Variants in GPR107 observed in about 807,000 individuals in gnomAD.
GPR107 encodes the protein protein GPR107.
GPR107 carries 31 observed loss-of-function variants against 75.5 expected under a neutral mutation model. The observed-to-expected ratio is 0.41, with a 90% confidence interval of 0.31 to 0.55. The LOEUF (loss-of-function observed/expected upper bound fraction) is 0.55, where lower values mean the gene tolerates loss of function less well. GPR107 is among the 20% of genes least tolerant of loss of function. GPR107 has a pLI of 0.26. For missense variants in GPR107, 572 were observed against 665.7 expected, an observed-to-expected ratio of 0.86 and a Z score of 1.55; for synonymous variants, 267 against 251.3, an observed-to-expected ratio of 1.06 and a Z score of -0.59.
chr9:130,080,593 G>A (rs977827389), intron 5 of GPR107, among the ~76,000 whole-genome samples: 5 of 151,864 alleles, frequency 3.3e-5, no homozygotes, highest in East Asian at 3.9e-4. Context: ...CCGGGTTCAC[G>A]CCATTCTCCT....
chr9:130,060,039 G>A (rs1829889510), intron 1 of GPR107, among the ~76,000 whole-genome samples: 2 of 151,286 alleles, frequency 1.3e-5, no homozygotes, highest in Admixed American at 6.6e-5. Context: ...CAGGCCCAGC[G>A]TGATCAGTAA....
chr9:130,054,104 G>A (rs775251720), intron 1 of GPR107, 31 bp downstream of exon 1: 25 of 1,480,260 alleles, frequency 1.7e-5, no homozygotes, highest in Non-Finnish European at 2.1e-5. Context: ...GCCGGGGGGC[G>A]GAGGCCGAGG....
At chr9:130,055,960 A>C (rs1304151377) in intron 1 of GPR107, among the ~76,000 whole-genome samples, 2 of 151,978 alleles carry the variant, frequency 1.3e-5, no homozygotes, top group Non-Finnish European at 2.9e-5. Context: ...TAAATAAATA[A>C]ATAAATAAAT....
At chr9:130,104,627 C>T (rs887536) in intron 13 of GPR107, 77 bp downstream of exon 13, 1,233,281 of 1,253,556 alleles carry the variant, frequency 0.98, 606,826 homozygotes, top group East Asian at 1. Flanking sequence ...CATTCCCAAA[C>T]TGATCTCAGT....
Position 130,112,635 on chromosome 9 carries a change from C to T in GPR107, c.1306+5096C>T, listed in dbSNP as rs796620419. Among the ~76,000 whole-genome samples the T allele has an allele frequency of 3.9e-5, 6 of 152,330 alleles. No individual in the cohort carries two copies. The highest frequency in any genetic ancestry group is 1.4e-4 in the African/African-American group (6 of 41,584). On this transcript the variant is annotated intron_variant, in intron 14 of 17. Transcript: ENST00000347136. The surrounding 1 kb of genome is among the most constrained non-coding windows in gnomAD (Gnocchi z 4.0). ...TGAGACAGCATGGGAGGTGTGCACA[C>T]AGCACTGCTGCTGGGCCTGAAGTGT...
chr9:130,087,317 T>A (rs1441490106), intron 7 of GPR107, among the ~76,000 whole-genome samples: 1 of 152,102 alleles, frequency 6.6e-6, no homozygotes, highest in Non-Finnish European at 1.5e-5. Flanking sequence ...AGATTACAGA[T>A]GTGAGCCACC....
chr9:130,100,529 C>A lies in GPR107; in HGVS notation c.940-100C>A. The A allele has an allele frequency of 1.1e-5, 10 of 889,626 alleles. 1 individual carries two copies. In the South Asian group the frequency reaches 1.4e-4, roughly 12 times the overall value. The allele number at this position is 889,626 out of a possible 1,614,324, so 55.1% of individuals were successfully genotyped here. On this transcript the variant is annotated intron_variant, in intron 10 of 17. Transcript: ENST00000347136. ...ATCCAGTGGCAGCGTCACCAAATGA[C>A]AATGATTTGGATAATTTCCCAAATG...
Position 130,056,924 on chromosome 9 carries a change from CAAAAAAAAAAAAAAAAA to C in GPR107, c.141+2862_141+2878del, listed in dbSNP as rs11442007. Among the ~76,000 whole-genome samples the C allele has an allele frequency of 2.3e-4, 10 of 42,896 alleles. 1 individual carries two copies. The highest frequency in any genetic ancestry group is 2.4e-3 in the South Asian group (2 of 838). 28.1% of individuals were successfully genotyped at this position (42,896 alleles called of 152,430 possible). Reference sequence around the variant, plus strand: ...TGGGTGACAGAGCGAGACTCCTTCTCAAAAAAAAAAAAAAAAAAAAAAAAAAAGAAAGTTCACAAATT... The same window carrying C: ...TGGGTGACAGAGCGAGACTCCTTCTCAAAAAAAAAAGAAAGTTCACAAATT... On this transcript the variant is annotated intron_variant, in intron 1 of 17. Coordinates refer to ENST00000347136, the MANE Select transcript of GPR107 (RefSeq NM_020960.5).
chr9:130,080,254 A>G (rs1033524410), intron 5 of GPR107, among the ~76,000 whole-genome samples: 3 of 152,090 alleles, frequency 2.0e-5, no homozygotes, highest in Admixed American at 6.6e-5. Flanking sequence ...GTTCTTTAAG[A>G]TGGTTTTCAG....
chr9:130,111,422 C>G (rs1831299734), intron 14 of GPR107, among the ~76,000 whole-genome samples: 1 of 152,046 alleles, frequency 6.6e-6, no homozygotes, highest in Non-Finnish European at 1.5e-5. Context: ...GTCCCAGCTA[C>G]TTGGGAGGGT....
chr9:130,083,720 A>G (rs1830545653), intron 6 of GPR107, 118 bp downstream of exon 6: 3 of 520,360 alleles, frequency 5.8e-6, no homozygotes, highest in Non-Finnish European at 9.9e-6. Context: ...ACAGACACAT[A>G]CATATACAGT....
Position 130,135,733 on chromosome 9 carries a change from G to C in GPR107, c.*612G>C, listed in dbSNP as rs748467504. 1 of 152,370 alleles carries C rather than the reference G, an allele frequency of 6.6e-6. No homozygotes were observed. Among genetic ancestry groups the C allele is most frequent in the Non-Finnish European group, 1.5e-5 (1 of 68,182 alleles). The allele number at this position is 152,370 out of a possible 1,614,324, so 9.4% of individuals were successfully genotyped here. ...TTATTCCAGATGCTGAGAGTGACCA[G>C]GACAGCAGCTCCTGAGGCCCAGTGG... On this transcript the variant is annotated 3_prime_UTR_variant, in exon 18 of 18. Coordinates refer to ENST00000347136, the MANE Select transcript of GPR107 (RefSeq NM_020960.5).
At position 130,101,130 on chromosome 9, in the gene GPR107, C is replaced by T; in HGVS notation, c.1038C>T (p.Ile346=). The T allele has an allele frequency of 6.2e-7, 1 of 1,606,318 alleles. No homozygotes were observed. The highest frequency in any genetic ancestry group is 8.5e-7 in the Non-Finnish European group (1 of 1,172,900). Residue 346 remains isoleucine (I), a synonymous_variant, in exon 12 of 18, where the codon ATC becomes ATT. Coordinates refer to ENST00000347136, the MANE Select transcript of GPR107 (RefSeq NM_020960.5). ...GTTTGAAAGGGGCGCTACTCTTCAT[C>T]ACCATTGCACTCATTGGCACTGGCT... ...THLLKGALLF[I]TIALIGTGWA...
chr9:130,087,305 C>T (rs909682298), intron 7 of GPR107, among the ~76,000 whole-genome samples: 13 of 152,038 alleles, frequency 8.6e-5, no homozygotes, highest in African/African-American at 3.1e-4. Flanking sequence ...CCCAAAGTGC[C>T]GAGATTACAG....
At chr9:130,077,449 A>C in intron 4 of GPR107, 71 bp downstream of exon 4, 1 of 818,212 alleles carries the variant, frequency 1.2e-6, no homozygotes, top group Non-Finnish European at 2.2e-6. Context: ...GTATGCTAAC[A>C]TTCCTTGGGT....
rs778230660 is a variant in GPR107, at chr9:130,075,627, T to C, written c.142-9T>C. ...ATATGACTAATTCCACCACTACAAA[T>C]CTCTTTAGGATGATGTGAGGCATAA... On this transcript the variant is annotated splice_polypyrimidine_tract_variant and intron_variant, in intron 1 of 17. Transcript: ENST00000347136. 24 of 1,385,200 alleles carry C rather than the reference T, an allele frequency of 1.7e-5. No homozygotes were observed. In the East Asian group the frequency reaches 5.5e-4, roughly 32 times the overall value. The allele number at this position is 1,385,200 out of a possible 1,614,324, so 85.8% of individuals were successfully genotyped here.
chr9:130,101,042 A>G, intron 11 of GPR107, 64 bp from the exon 12 acceptor site: 3 of 919,652 alleles, frequency 3.3e-6, no homozygotes, highest in Non-Finnish European at 5.4e-6. Context: ...TGAGCTATGC[A>G]ATCTAACTGG....
chr9:130,055,193 C>T (rs1160934369), intron 1 of GPR107, among the ~76,000 whole-genome samples: 3 of 151,908 alleles, frequency 2.0e-5, no homozygotes, highest in African/African-American at 4.8e-5. Context: ...GTAGGCGGGG[C>T]GCGGTGGCTC....
chr9:130,104,600 C>G (rs753483680), intron 13 of GPR107, 50 bp downstream of exon 13: 7 of 1,533,716 alleles, frequency 4.6e-6, no homozygotes, highest in East Asian at 2.3e-5. Flanking sequence ...GCTGTCAAGC[C>G]CAATAGCTGA....
Sources: gnomAD v4.1 joint callset for allele counts (sites outside exome capture counted in the v4.1 genomes callset) on GRCh38, gnomAD v4.1.1 for gene constraint, Gnocchi (gnomAD v3.1) non-coding constraint, MANE v1.5 for transcripts, NCBI Gene and HGNC (gene_info 2026-07-23, HGNC 2026-07-21) for gene names.